The following TMEM248 variants were observed in gnomAD, a reference collection of about 807,000 sequenced individuals.
TMEM248 encodes transmembrane protein 248, also known as UPF0458 protein C7orf42.
A neutral mutation model predicts 30.3 loss-of-function variants in TMEM248; 9 were observed. That is an observed-to-expected ratio of 0.30 (90% CI 0.18 to 0.52). The LOEUF (loss-of-function observed/expected upper bound fraction) is 0.52. TMEM248 is among the 20% of genes least tolerant of loss of function. The pLI, the probability that TMEM248 is intolerant of heterozygous loss-of-function variation, is 0.97. For missense variants in TMEM248, 338 were observed against 403.3 expected, an observed-to-expected ratio of 0.84 and a Z score of 1.39; for synonymous variants, 184 against 154.4, an observed-to-expected ratio of 1.19 and a Z score of -1.42.
intron 3 of TMEM248, among the ~76,000 whole-genome samples, chr7:66,946,075 ACT>A (rs1226719931): frequency 3.6e-5 from 5 of 140,106 alleles, no homozygotes; most frequent in African/African-American, 5.3e-5. Flanking sequence ...ACAGAGGGAG[ACT>A]CTCTCTCCAA....
At chr7:66,951,551 A>T (rs1792270233) in intron 5 of TMEM248, among the ~76,000 whole-genome samples, 1 of 151,884 alleles carries the variant, frequency 6.6e-6, no homozygotes, top group Non-Finnish European at 1.5e-5. Context: ...GTAGGAGGAG[A>T]TGAATCTTCG....
chr7:66,957,621 A>G lies in TMEM248; in HGVS notation c.*2099A>G, dbSNP rs1215751321. On this transcript the variant is annotated 3_prime_UTR_variant, in exon 7 of 7. Transcript: ENST00000341567. ...CTGCTATTGAATTAATAAAATCCCAATGAAGCAGAGTTATAGGGATAGATT... is the reference window on the plus strand; with the variant it reads ...CTGCTATTGAATTAATAAAATCCCAGTGAAGCAGAGTTATAGGGATAGATT... 2 of 152,246 alleles carry G rather than the reference A, an allele frequency of 1.3e-5. No individual in the cohort carries two copies. The allele number at this position is 152,246 out of a possible 1,614,324, so 9.4% of individuals were successfully genotyped here. A position where few individuals can be genotyped will look rare whatever the true frequency, so the allele number is the denominator to read the frequency against.
At chr7:66,937,314 A>C (rs1264029997) in intron 1 of TMEM248, among the ~76,000 whole-genome samples, 1 of 152,170 alleles carries the variant, frequency 6.6e-6, no homozygotes, top group Non-Finnish European at 1.5e-5. Context: ...TTAATGTTTT[A>C]AGACTTGTTC....
intron 1 of TMEM248, among the ~76,000 whole-genome samples, chr7:66,936,290 C>T (rs1221139958): frequency 1.3e-5 from 2 of 152,246 alleles, no homozygotes; most frequent in African/African-American, 2.4e-5. Context: ...TTATCAAATG[C>T]TTTTTCAGCA....
intron 2 of TMEM248, among the ~76,000 whole-genome samples, chr7:66,944,772 T>A (rs758025614): frequency 6.6e-6 from 1 of 152,096 alleles, no homozygotes; most frequent in Non-Finnish European, 1.5e-5. Flanking sequence ...ATATTTTAGG[T>A]TGTGAATATA....
In TMEM248 at chr7:66,921,404, G is replaced by A. The variant is rs1201786869; in HGVS notation, c.-76G>A. ...GAGTGAGCCCAGCGCGACCGCGGGC[G>A]TCCGCCGAGCAGCTGGCCCGGCTGG... On this transcript the variant is annotated 5_prime_UTR_variant, in exon 1 of 7. Transcript: ENST00000341567. The A allele has an allele frequency of 1.3e-5, 2 of 149,764 alleles. No individual in the cohort carries two copies. Among genetic ancestry groups the A allele is most frequent in the African/African-American group, 4.9e-5 (2 of 41,156 alleles). The allele number at this position is 149,764 out of a possible 1,614,324, so 9.3% of individuals were successfully genotyped here.
intron 4 of TMEM248, among the ~76,000 whole-genome samples, chr7:66,949,141 T>TAAA (rs530357268): frequency 1.5e-5 from 2 of 130,858 alleles, no homozygotes; most frequent in Non-Finnish European, 1.7e-5. Context: ...TGTCTCTATT[T>TAAA]AAAAAAAAAA....
chr7:66,935,389 G>A (rs1027542763), intron 1 of TMEM248, among the ~76,000 whole-genome samples: 1 of 152,108 alleles, frequency 6.6e-6, no homozygotes, highest in African/African-American at 2.4e-5. Context: ...CACCATGTTA[G>A]CCAGGCTAGC....
chr7:66,928,900 A>G (rs1398072123), intron 1 of TMEM248, among the ~76,000 whole-genome samples: 1 of 151,934 alleles, frequency 6.6e-6, no homozygotes, highest in East Asian at 1.9e-4. Flanking sequence ...TGATCCCTCC[A>G]CCTCAGCCTC....
At chr7:66,938,722 G>C (rs1434261133) in intron 1 of TMEM248, among the ~76,000 whole-genome samples, 1 of 152,112 alleles carries the variant, frequency 6.6e-6, no homozygotes, top group Non-Finnish European at 1.5e-5. Flanking sequence ...TGGCCAGGCT[G>C]GTCTTGAACT....
chr7:66,951,298 A>G (rs944535862), intron 5 of TMEM248, 163 bp downstream of exon 5: 13 of 560,774 alleles, frequency 2.3e-5, no homozygotes, highest in Admixed American at 4.3e-5. Context: ...GGAGTGGTGG[A>G]TGCTTGGAAA....
intron 1 of TMEM248, among the ~76,000 whole-genome samples, chr7:66,933,478 A>G (rs1791720523): frequency 6.6e-6 from 1 of 152,312 alleles, no homozygotes; most frequent in East Asian, 1.9e-4. Context: ...CTTTGGAGCA[A>G]TGGGTGTTTC....
At chr7:66,934,159 A>C (rs190588781) in intron 1 of TMEM248, among the ~76,000 whole-genome samples, 3 of 151,378 alleles carry the variant, frequency 2.0e-5, no homozygotes, top group Non-Finnish European at 4.4e-5. Context: ...TTGGAATCTT[A>C]ATAGTTTTAT....
intron 1 of TMEM248, among the ~76,000 whole-genome samples, chr7:66,925,064 C>T (rs576489107): frequency 1.3e-5 from 2 of 152,064 alleles, no homozygotes; most frequent in East Asian, 3.9e-4. Context: ...CTCTGTTGTC[C>T]TGGCTGGAGT....
At chr7:66,947,496 G>A (rs1792140069) in intron 3 of TMEM248, among the ~76,000 whole-genome samples, 1 of 151,928 alleles carries the variant, frequency 6.6e-6, no homozygotes, top group Non-Finnish European at 1.5e-5. Flanking sequence ...TCTGTCTCCC[G>A]GGTTCAAGCG....
Position 66,942,025 on chromosome 7 carries a change from G to GTA in TMEM248, c.159+4_159+5dup, listed in dbSNP as rs1294051602. 6.2e-7 allele frequency: 1 copy of GTA among 1,613,732 alleles called. No individual in the cohort carries two copies. The highest frequency in any genetic ancestry group is 1.7e-5 in the Admixed American group (1 of 59,988). ...GATTAAATCCCCAGAAATGGCAGAG[G>GTA]TATAGTATGCTCTGACTTCTCCCGG... On this transcript the variant is annotated splice_donor_variant, in intron 2 of 6. Transcript: ENST00000341567. LOFTEE classifies it high-confidence loss of function.
intron 1 of TMEM248, among the ~76,000 whole-genome samples, chr7:66,924,555 C>T (rs981381218): frequency 6.6e-6 from 1 of 152,210 alleles, no homozygotes. Flanking sequence ...CAGATGCCCG[C>T]CACCATGCCT....
Position 66,953,139 on chromosome 7 carries a change from G to C in TMEM248, c.781-87G>C, listed in dbSNP as rs1013772637. The C allele has an allele frequency of 6.9e-5, 101 of 1,467,934 alleles. No homozygotes were observed. In the African/African-American group the frequency reaches 1.3e-3, roughly 18 times the overall value. 90.9% of individuals were successfully genotyped at this position (1,467,934 alleles called of 1,614,324 possible). A position where few individuals can be genotyped will look rare whatever the true frequency, so the allele number is the denominator to read the frequency against. ...AAAAGTTGTGGCAAGTCTGGAGGCT[G>C]TCAATCCTGTCTCTCAAAACCCAGC... On this transcript the variant is annotated intron_variant, in intron 5 of 6. Coordinates refer to ENST00000341567, the MANE Select transcript of TMEM248 (RefSeq NM_017994.5).
intron 1 of TMEM248, among the ~76,000 whole-genome samples, chr7:66,926,117 C>G (rs541598245): frequency 6.6e-6 from 1 of 152,180 alleles, no homozygotes; most frequent in Non-Finnish European, 1.5e-5. Context: ...TTAATTTGCA[C>G]TTCTCTAGTG....
Sources: allele counts gnomAD v4.1 joint callset (sites outside exome capture counted in the v4.1 genomes callset), GRCh38; gene constraint gnomAD v4.1.1; transcripts MANE v1.5; gene names NCBI Gene and HGNC (gene_info 2026-07-23, HGNC 2026-07-21).